Variants in CHM observed in about 807,000 individuals in gnomAD.
The protein encoded by CHM is CHM Rab escort protein, also known as rab proteins geranylgeranyltransferase component A 1.
CHM carries 10 observed loss-of-function variants against 49.0 expected under a neutral mutation model. The ratio of observed to expected loss-of-function variants is 0.20; its 90% CI spans 0.13 to 0.35. The LOEUF is 0.35. Ranked by LOEUF, CHM falls within the 10% of genes least tolerant of loss-of-function variation. The pLI is 1.00. For missense variants in CHM, 455 were observed against 478.4 expected (o/e 0.95, Z 0.46); for synonymous variants, 184 against 167.5 (o/e 1.10, Z -0.76).
Position 85,864,806 on chromosome X carries a change from G to A in CHM, c.1786C>T (p.Gln596Ter). ...AAATCTTCATTGGGGCAGATTTCCT[G>A]GAAAAGTGTTTCAGCCTGGCCAAGG... ...NAVKQAETLF[Q>*]EICPNEDFCP... The change falls in exon 15 of 15, where the codon CAG becomes TAG. Residue 596 changes from glutamine to a stop codon, truncating the protein, a stop_gained. Transcript: ENST00000357749. LOFTEE classifies it high-confidence loss of function. 8.3e-7 allele frequency: 1 copy of A among 1,207,380 alleles called. No homozygotes were observed. The highest frequency in any genetic ancestry group is 1.1e-6 in the Non-Finnish European group (1 of 893,070).
At chrX:85,928,241 A>C (rs1357944266) in intron 8 of CHM, among the ~76,000 whole-genome samples, 3 of 112,179 alleles carry the variant, frequency 2.7e-5, no homozygotes, top group Non-Finnish European at 3.8e-5. Flanking sequence ...ATTCGTACTA[A>C]TTTTAAATTA....
intron 2 of CHM, among the ~76,000 whole-genome samples, chrX:86,003,192 C>T (rs968308311): frequency 8.9e-6 from 1 of 112,140 alleles, no homozygotes; most frequent in Non-Finnish European, 1.9e-5. Context: ...GGAAAACTGA[C>T]AAACAGAAAG....
intron 4 of CHM, among the ~76,000 whole-genome samples, chrX:85,976,875 A>AACACACAC (rs201555478): frequency 1.8e-4 from 14 of 76,291 alleles, no homozygotes; most frequent in African/African-American, 5.6e-4. Flanking sequence ...AACACACACA[A>AACACACAC]ACACACACAC....
intron 12 of CHM, among the ~76,000 whole-genome samples, chrX:85,891,488 G>C (rs904101506): frequency 8.9e-6 from 1 of 112,387 alleles, no homozygotes; most frequent in Non-Finnish European, 1.9e-5. Flanking sequence ...GCCCAACATA[G>C]AGCTCAGGCT....
intron 14 of CHM, among the ~76,000 whole-genome samples, chrX:85,871,304 CAAAAAA>C (rs150005971): frequency 1.6e-5 from 1 of 62,096 alleles, no homozygotes; most frequent in African/African-American, 7.0e-5. Context: ...AAGACTGTCT[CAAAAAA>C]AAAAAAAAAA....
intron 8 of CHM, among the ~76,000 whole-genome samples, chrX:85,927,033 T>A (rs1414918679): frequency 9.0e-6 from 1 of 111,708 alleles, no homozygotes; most frequent in African/African-American, 3.3e-5. Flanking sequence ...GGGCATTTAT[T>A]TGAAATTAAT....
At chrX:85,909,354 T>G (rs370454938) in intron 9 of CHM, among the ~76,000 whole-genome samples, 27 of 111,347 alleles carry the variant, frequency 2.4e-4, no homozygotes, top group African/African-American at 8.8e-4. Context: ...AAACCCTCAA[T>G]TTTACCTTAC....
intron 2 of CHM, among the ~76,000 whole-genome samples, chrX:86,006,957 T>A (rs1603277139): frequency 9.0e-6 from 1 of 111,591 alleles, no homozygotes; most frequent in Non-Finnish European, 1.9e-5. Context: ...GCCAAGTCAA[T>A]CCTAAGCCAA....
chrX:86,036,882 C>G (rs898708365), intron 1 of CHM, among the ~76,000 whole-genome samples: 1 of 111,089 alleles, frequency 9.0e-6, no homozygotes, highest in African/African-American at 3.3e-5. Flanking sequence ...GAGTTGATAA[C>G]TGTTGAAACT....
chrX:86,037,397 G>A (rs1057395198), intron 1 of CHM, among the ~76,000 whole-genome samples: 3 of 111,221 alleles, frequency 2.7e-5, no homozygotes, highest in African/African-American at 9.8e-5. Flanking sequence ...AATTACAGGT[G>A]TGAGCCACTG....
intron 2 of CHM, among the ~76,000 whole-genome samples, chrX:86,000,632 A>G (rs1027307815): frequency 9.0e-6 from 1 of 111,575 alleles, no homozygotes; most frequent in Non-Finnish European, 1.9e-5. Context: ...ATAAAGAAAT[A>G]TTGTATATAT....
At chrX:85,897,462 G>A (rs1925973972) in intron 11 of CHM, among the ~76,000 whole-genome samples, 1 of 108,240 alleles carries the variant, frequency 9.2e-6, no homozygotes, top group Non-Finnish European at 1.9e-5. Context: ...TGTCAAAAGG[G>A]CTGGCTTTGA....
chrX:86,009,768 G>C (rs1932980087), intron 2 of CHM, among the ~76,000 whole-genome samples: 1 of 111,411 alleles, frequency 9.0e-6, no homozygotes, highest in African/African-American at 3.3e-5. Flanking sequence ...ATAGAGGTAA[G>C]TGGTTGATTC....
At chrX:86,018,678 A>G (rs1301131320) in intron 2 of CHM, among the ~76,000 whole-genome samples, 1 of 112,500 alleles carries the variant, frequency 8.9e-6, no homozygotes, top group Non-Finnish European at 1.9e-5. Flanking sequence ...ACTGTGATAC[A>G]TACATAATAG....
At chrX:85,955,426 A>G (rs1929960352) in intron 8 of CHM, among the ~76,000 whole-genome samples, 1 of 112,291 alleles carries the variant, frequency 8.9e-6, no homozygotes, top group African/African-American at 3.2e-5. Context: ...AAACAAAAAA[A>G]GACACAAACA....
chrX:86,035,228 G>A (rs1449651345), intron 1 of CHM, among the ~76,000 whole-genome samples: 2 of 111,860 alleles, frequency 1.8e-5, no homozygotes, highest in Admixed American at 9.5e-5. Flanking sequence ...AATGAGCAAC[G>A]CAAAAGGATT....
At chrX:85,928,790 C>A (rs1340350213) in intron 8 of CHM, among the ~76,000 whole-genome samples, 3 of 111,525 alleles carry the variant, frequency 2.7e-5, no homozygotes, top group African/African-American at 9.8e-5. Context: ...AAGATAAACA[C>A]TGGGCACAAG....
intron 2 of CHM, among the ~76,000 whole-genome samples, chrX:85,997,268 G>A (rs1932482645): frequency 9.0e-6 from 1 of 111,037 alleles, no homozygotes; most frequent in Admixed American, 9.6e-5. Flanking sequence ...GCCTTTCATA[G>A]TACAGTTTAT....
chrX:85,929,439 C>G (rs1029204872), intron 8 of CHM, among the ~76,000 whole-genome samples: 2 of 111,869 alleles, frequency 1.8e-5, no homozygotes, highest in African/African-American at 3.3e-5. Context: ...ACCCTATTTG[C>G]TTTTTTTCTT....
Sources: allele counts gnomAD v4.1 joint callset (sites outside exome capture counted in the v4.1 genomes callset), GRCh38; gene constraint gnomAD v4.1.1; transcripts MANE v1.5; gene names NCBI Gene and HGNC (gene_info 2026-07-23, HGNC 2026-07-21).